Variants in SEMA3C observed in about 807,000 individuals in gnomAD.
SEMA3C encodes the protein semaphorin 3C, also known as semaphorin-3C.
In SEMA3C, 47 loss-of-function variants were observed where a neutral mutation model predicts 89.4. The observed-to-expected ratio is 0.53, with a 90% confidence interval of 0.42 to 0.67. The LOEUF is 0.67. SEMA3C is among the 30% of genes least tolerant of loss of function. The probability of loss-of-function intolerance (pLI) is 0.00; values close to 1 mark genes in which losing one functional copy is unlikely to be tolerated. For synonymous variants in SEMA3C, 310 were observed against 320.2 expected (o/e 0.97, Z 0.34); for missense variants, 839 against 929.1 (o/e 0.90, Z 1.26).
intron 12 of SEMA3C, among the ~76,000 whole-genome samples, chr7:80,775,642 T>C (rs1214173566): frequency 6.6e-6 from 1 of 152,118 alleles, no homozygotes; most frequent in Non-Finnish European, 1.5e-5. Flanking sequence ...AATTTGGTCA[T>C]AAAACCTGAC....
At chr7:80,834,763 G>A (rs926556262) in intron 2 of SEMA3C, among the ~76,000 whole-genome samples, 2 of 152,086 alleles carry the variant, frequency 1.3e-5, no homozygotes, top group African/African-American at 4.8e-5. Context: ...AATCCAGGAT[G>A]CTCAAATCTC....
At chr7:80,747,196 G>T (rs573249078) in intron 17 of SEMA3C, among the ~76,000 whole-genome samples, 1 of 151,934 alleles carries the variant, frequency 6.6e-6, no homozygotes, top group South Asian at 2.1e-4. Flanking sequence ...TTTTGAGATT[G>T]GAAAAAAAGT....
chr7:80,862,740 T>C (rs867044656), intron 2 of SEMA3C, among the ~76,000 whole-genome samples: 4 of 152,062 alleles, frequency 2.6e-5, no homozygotes, highest in Non-Finnish European at 2.9e-5. Context: ...TGGTATAAAA[T>C]AGGCACACAG....
At chr7:80,890,374 A>C (rs749746344) in intron 2 of SEMA3C, among the ~76,000 whole-genome samples, 6 of 152,206 alleles carry the variant, frequency 3.9e-5, no homozygotes, top group African/African-American at 7.2e-5. Flanking sequence ...AAACTCAATG[A>C]AAAGACTAAT....
At chr7:80,804,317 C>A in intron 7 of SEMA3C, 69 bp from the exon 8 acceptor site, 3 of 1,140,486 alleles carry the variant, frequency 2.6e-6, no homozygotes, top group Non-Finnish European at 3.6e-6. Context: ...TCCAAGTAGA[C>A]CACAGGCAGA....
At chr7:80,863,559 C>A (rs1790826010) in intron 2 of SEMA3C, among the ~76,000 whole-genome samples, 1 of 151,676 alleles carries the variant, frequency 6.6e-6, no homozygotes, top group Non-Finnish European at 1.5e-5. Context: ...CTTGCACAGG[C>A]ATGCTTATAG....
At chr7:80,796,999 A>G (rs536802773) in intron 11 of SEMA3C, among the ~76,000 whole-genome samples, 24 of 152,286 alleles carry the variant, frequency 1.6e-4, no homozygotes, top group African/African-American at 5.3e-4. Flanking sequence ...TGAATCAACA[A>G]TTAGTAAAAA....
chr7:80,809,738 C>T lies in SEMA3C; in HGVS notation c.538+873G>A, dbSNP rs190989955. On this transcript the variant is annotated intron_variant, in intron 6 of 17. Transcript: ENST00000265361. ...CAACATATGAATGGATTTTTAAAAA[C>T]ATGGTACATATATACACGATGGAAT... Among the ~76,000 whole-genome samples the T allele has an allele frequency of 1.5e-3, 234 of 152,214 alleles. 3 individuals carry two copies. Among genetic ancestry groups the T allele is most frequent in the African/African-American group, 5.4e-3 (225 of 41,530 alleles).
In SEMA3C at chr7:80,837,556, T is replaced by C. The variant is rs112078355; in HGVS notation, c.104-8811A>G. Among the ~76,000 whole-genome samples, 493 of 152,302 alleles carry C rather than the reference T, an allele frequency of 3.2e-3. 2 individuals carry two copies. Among genetic ancestry groups the C allele is most frequent in the African/African-American group, 0.011 (472 of 41,564 alleles). ...CCTTACCACAAATCTTAATCATCACTGTTGGCCTATTCTTTGTTCTTGCTC... is the reference window on the plus strand; with the variant it reads ...CCTTACCACAAATCTTAATCATCACCGTTGGCCTATTCTTTGTTCTTGCTC... On this transcript the variant is annotated intron_variant, in intron 2 of 17. Coordinates refer to ENST00000265361, the MANE Select transcript of SEMA3C (RefSeq NM_006379.5).
chr7:80,801,216 T>C (rs1484403837), intron 9 of SEMA3C, among the ~76,000 whole-genome samples: 1 of 152,092 alleles, frequency 6.6e-6, no homozygotes, highest in East Asian at 1.9e-4. Flanking sequence ...TCTTTCTAAA[T>C]ATCCTTTAAT....
intron 11 of SEMA3C, among the ~76,000 whole-genome samples, chr7:80,796,153 T>A (rs529924010): frequency 1.6e-4 from 25 of 152,330 alleles, no homozygotes; most frequent in South Asian, 6.2e-4. Flanking sequence ...AAAGCACACG[T>A]AATCACAACC....
At chr7:80,754,049 T>C (rs1431177321) in intron 15 of SEMA3C, among the ~76,000 whole-genome samples, 9 of 152,126 alleles carry the variant, frequency 5.9e-5, no homozygotes, top group Admixed American at 2.6e-4. Context: ...GCGACTCCCC[T>C]GCCTCAGCCT....
chr7:80,748,774 C>T (rs375339486), intron 17 of SEMA3C, 124 bp downstream of exon 17: 2 of 955,072 alleles, frequency 2.1e-6, no homozygotes, highest in Non-Finnish European at 3.1e-6. Context: ...CACTTGTCAT[C>T]CCAAAGACGT....
intron 2 of SEMA3C, among the ~76,000 whole-genome samples, chr7:80,861,212 T>G (rs2115989129): frequency 6.6e-6 from 1 of 152,294 alleles, no homozygotes; most frequent in Non-Finnish European, 1.5e-5. Context: ...AAGCATCAGT[T>G]TATCTATTAT....
intron 2 of SEMA3C, among the ~76,000 whole-genome samples, chr7:80,840,490 G>C (rs1790237420): frequency 1.5e-5 from 2 of 132,244 alleles, no homozygotes; most frequent in East Asian, 2.5e-4. Flanking sequence ...CTGCACTCCA[G>C]CCTAGGTGAC....
chr7:80,867,193 CT>C (rs770117919), intron 2 of SEMA3C, among the ~76,000 whole-genome samples: 14 of 152,016 alleles, frequency 9.2e-5, no homozygotes, highest in Non-Finnish European at 1.6e-4. Context: ...CAAAACATAC[CT>C]TTTTAAAACA....
intron 12 of SEMA3C, among the ~76,000 whole-genome samples, chr7:80,776,952 A>G: frequency 6.6e-6 from 1 of 152,120 alleles, no homozygotes; most frequent in African/African-American, 2.4e-5. Context: ...ATAGCTATAT[A>G]CTAATATATA....
intron 2 of SEMA3C, among the ~76,000 whole-genome samples, chr7:80,888,211 G>C (rs186770511): frequency 2.0e-5 from 3 of 151,926 alleles, no homozygotes; most frequent in East Asian, 1.9e-4. Context: ...TCAGGAGTTG[G>C]AGACTATCCT....
chr7:80,810,637 T>C lies in SEMA3C; in HGVS notation c.512A>G (p.Asn171Ser), dbSNP rs1191562666. 6.2e-7 allele frequency: 1 copy of C among 1,613,740 alleles called. No homozygotes were observed. The highest frequency in any genetic ancestry group is 8.5e-7 in the Non-Finnish European group (1 of 1,179,716). Residue 171 changes from asparagine to serine, a missense_variant, in exon 6 of 18, where the codon AAC becomes AGC. Coordinates refer to ENST00000265361, the MANE Select transcript of SEMA3C (RefSeq NM_006379.5). ...GATCATAACAGACACCGTGTTCACG[T>C]TGGGGTTGAAAGAGCAGCGTCCTTT... ...SGKGRCSFNP[N>S]VNTVSVMINE...
Sources: gnomAD v4.1 joint callset for allele counts (sites outside exome capture counted in the v4.1 genomes callset) on GRCh38, gnomAD v4.1.1 for gene constraint, MANE v1.5 for transcripts, NCBI Gene and HGNC (gene_info 2026-07-23, HGNC 2026-07-21) for gene names.